The following NALF1 variants were observed in gnomAD, a reference collection of about 807,000 sequenced individuals.
NALF1 encodes the protein NALCN channel auxiliary factor 1, also known as family with sequence similarity 155 member A.
A neutral mutation model predicts 48.4 loss-of-function variants in NALF1; 3 were observed. The observed-to-expected ratio is 0.06, with a 90% CI of 0.03 to 0.16. The LOEUF is 0.16. Among genes scored for constraint, NALF1 ranks in the 10% least tolerant of loss-of-function variants. The probability of loss-of-function intolerance (pLI) is 1.00; values close to 1 mark genes in which losing one functional copy is unlikely to be tolerated. For missense variants in NALF1, 526 were observed against 571.5 expected (o/e 0.92, Z 0.81); for synonymous variants, 262 against 245.7 (o/e 1.07, Z -0.62).
intron 1 of NALF1, among the ~76,000 whole-genome samples, chr13:107,760,029 T>C (rs889428003): frequency 1.8e-4 from 27 of 152,208 alleles, no homozygotes; most frequent in African/African-American, 5.8e-4. Context: ...AAATTAGTTT[T>C]CATTCCAATA....
intron 1 of NALF1, among the ~76,000 whole-genome samples, chr13:107,306,701 C>T (rs1424817322): frequency 6.6e-6 from 1 of 152,182 alleles, no homozygotes; most frequent in Admixed American, 6.5e-5. Context: ...AGATGGCTCA[C>T]GCCTGTAGTC....
chr13:107,586,176 C>T (rs1878451266), intron 1 of NALF1, among the ~76,000 whole-genome samples: 1 of 152,102 alleles, frequency 6.6e-6, no homozygotes, highest in South Asian at 2.1e-4. Context: ...TGGAAAAGTG[C>T]TATCTATAGG....
At chr13:107,227,072 T>A (rs1292431853) in intron 1 of NALF1, among the ~76,000 whole-genome samples, 2 of 152,268 alleles carry the variant, frequency 1.3e-5, no homozygotes, top group African/African-American at 4.8e-5. Flanking sequence ...AAGTATAGAC[T>A]GAGCAATTCG....
At chr13:107,660,745 A>T (rs372941228) in intron 1 of NALF1, among the ~76,000 whole-genome samples, 53 of 152,148 alleles carry the variant, frequency 3.5e-4, no homozygotes, top group Middle Eastern at 3.4e-3. Context: ...GTACACCACC[A>T]AGAGTAAGCC....
intron 1 of NALF1, among the ~76,000 whole-genome samples, chr13:107,368,934 T>C (rs1230486807): frequency 6.6e-6 from 1 of 152,230 alleles, no homozygotes; most frequent in Non-Finnish European, 1.5e-5. Context: ...ACTCTACCTA[T>C]TAACTCACCA....
intron 1 of NALF1, among the ~76,000 whole-genome samples, chr13:107,401,189 G>A (rs769988867): frequency 6.6e-6 from 1 of 152,142 alleles, no homozygotes; most frequent in Non-Finnish European, 1.5e-5. Flanking sequence ...TCACCTGGTA[G>A]GTGAGTCCTC....
At chr13:107,857,574 T>C (rs1880469371) in intron 1 of NALF1, among the ~76,000 whole-genome samples, 2 of 152,208 alleles carry the variant, frequency 1.3e-5, no homozygotes, top group Admixed American at 1.3e-4. Flanking sequence ...CCAGTCAATC[T>C]AAAATGTAGC....
Position 107,227,855 on chromosome 13 carries a change from C to T in NALF1, c.916-17100G>A, listed in dbSNP as rs145002174. Among the ~76,000 whole-genome samples the T allele has an allele frequency of 5.5e-3, 836 of 152,276 alleles. 15 individuals carry two copies. Among genetic ancestry groups the T allele is most frequent in the African/African-American group, 0.019 (783 of 41,540 alleles). ...TAGGATTTTAGGAAGTATGAAGTAA[C>T]TATATACATATCAGAAAAAGTAAAA... On this transcript the variant is annotated intron_variant, in intron 1 of 2. Transcript: ENST00000375915.
At chr13:107,486,023 T>A (rs1046050091) in intron 1 of NALF1, among the ~76,000 whole-genome samples, 3 of 152,214 alleles carry the variant, frequency 2.0e-5, no homozygotes, top group Admixed American at 2.0e-4. Flanking sequence ...TATTTTTCCA[T>A]ACATTTGTGA....
rs76677361 is a variant in NALF1 at position 107,552,144 on chromosome 13, G to A, written c.915+313538C>T. On this transcript the variant is annotated intron_variant, in intron 1 of 2. Transcript: ENST00000375915. ...AATATCTTCAAGCTGCATTATATGAGTTAGAAATTAATTCTGAGATAGACA... is the reference window on the plus strand; with the variant it reads ...AATATCTTCAAGCTGCATTATATGAATTAGAAATTAATTCTGAGATAGACA... Among the ~76,000 whole-genome samples, 356 of 152,246 alleles carry A rather than the reference G, an allele frequency of 2.3e-3. 1 individual carries two copies. Among genetic ancestry groups the A allele is most frequent in the African/African-American group, 7.8e-3 (326 of 41,550 alleles).
intron 1 of NALF1, among the ~76,000 whole-genome samples, chr13:107,831,836 A>C (rs1879741778): frequency 6.6e-6 from 1 of 152,224 alleles, no homozygotes; most frequent in African/African-American, 2.4e-5. Flanking sequence ...ATATTTCAAA[A>C]TATTCCAGAG....
intron 1 of NALF1, among the ~76,000 whole-genome samples, chr13:107,634,005 AT>A (rs1879907996): frequency 7.6e-6 from 1 of 130,832 alleles, no homozygotes; most frequent in Non-Finnish European, 1.7e-5. Flanking sequence ...TTTGCTTTAG[AT>A]ACTATTATGT....
chr13:107,289,100 T>C (rs923516353), intron 1 of NALF1, among the ~76,000 whole-genome samples: 10 of 152,218 alleles, frequency 6.6e-5, no homozygotes, highest in African/African-American at 2.4e-4. Flanking sequence ...AATCCACCAC[T>C]GTCACAGGAT....
At chr13:107,324,236 T>G (rs572101048) in intron 1 of NALF1, among the ~76,000 whole-genome samples, 1 of 152,362 alleles carries the variant, frequency 6.6e-6, no homozygotes, top group East Asian at 1.9e-4. Flanking sequence ...TTCTGAATCA[T>G]GGTATCTCAT....
chr13:107,606,734 A>T lies in NALF1; in HGVS notation c.915+258948T>A, dbSNP rs928075546. On this transcript the variant is annotated intron_variant, in intron 1 of 2. Transcript: ENST00000375915. ...ACAAATTAAAAAAAAATTACACTGT[A>T]AACTTAATGCAAAATTGGCTTTCAA... Among the ~76,000 whole-genome samples the T allele has an allele frequency of 3.6e-4, 55 of 152,304 alleles. 1 individual carries two copies. Among genetic ancestry groups the T allele is most frequent in the African/African-American group, 1.3e-3 (52 of 41,562 alleles).
chr13:107,192,202 A>G (rs1337481497), intron 2 of NALF1, among the ~76,000 whole-genome samples: 1 of 152,126 alleles, frequency 6.6e-6, no homozygotes, highest in African/African-American at 2.4e-5. Context: ...TAAAAAGGAA[A>G]TATTAATTAT....
intron 1 of NALF1, among the ~76,000 whole-genome samples, chr13:107,340,870 T>A (rs894947822): frequency 1.9e-4 from 29 of 152,162 alleles, no homozygotes; most frequent in African/African-American, 6.8e-4. Context: ...AACAACTATA[T>A]CTGTGAAGCT....
intron 1 of NALF1, among the ~76,000 whole-genome samples, chr13:107,429,824 GT>G (rs1366268658): frequency 3.3e-5 from 5 of 152,212 alleles, no homozygotes; most frequent in African/African-American, 1.2e-4. Flanking sequence ...ATAAATACAT[GT>G]ACAATCTCTA....
intron 1 of NALF1, among the ~76,000 whole-genome samples, chr13:107,851,248 A>T (rs910991383): frequency 6.6e-6 from 1 of 152,192 alleles, no homozygotes; most frequent in Non-Finnish European, 1.5e-5. Flanking sequence ...CAGCAGAATG[A>T]TATAGTGACA....
Sources: allele counts gnomAD v4.1 joint callset (sites outside exome capture counted in the v4.1 genomes callset), GRCh38; gene constraint gnomAD v4.1.1; transcripts MANE v1.5; gene names NCBI Gene and HGNC (gene_info 2026-07-23, HGNC 2026-07-21).